NLK: variants seen among roughly 807,000 people sequenced by gnomAD.
NLK encodes the protein nemo like kinase.
A neutral mutation model predicts 59.0 loss-of-function variants in NLK; 11 were observed. That is an observed-to-expected ratio of 0.19 (90% CI 0.12 to 0.31). NLK has a LOEUF of 0.31. NLK is among the 10% of genes least tolerant of loss of function. The pLI is 1.00. For synonymous variants in NLK, 235 were observed against 235.9 expected (o/e 1.00, Z 0.03); for missense variants, 410 against 661.1 (o/e 0.62, Z 4.16).
chr17:28,132,599 C>CTTTTTTTTTTTTTTTTTTTTT, intron 2 of NLK, 21 bp from the exon 3 acceptor site: 1 of 1,568,976 alleles, frequency 6.4e-7, no homozygotes, highest in Non-Finnish European at 8.7e-7. Flanking sequence ...CTAAATTTGA[C>CTTTTTTTTTTTTTTTTTTTTT]TTTTTTTTTC....
In NLK at chr17:28,052,279, C is replaced by G. The variant is rs1909284964; in HGVS notation, c.458+8948C>G. Among the ~76,000 whole-genome samples, 2 of 151,986 alleles carry G rather than the reference C, an allele frequency of 1.3e-5. 1 individual carries two copies. The highest frequency in any genetic ancestry group is 4.1e-4 in the South Asian group (2 of 4,824). ...AAATTTTTAAATAAAATTTAATGTTCAGTATTTTGTCATCTTTTGTGTGTG... is the reference window on the plus strand; with the variant it reads ...AAATTTTTAAATAAAATTTAATGTTGAGTATTTTGTCATCTTTTGTGTGTG... On this transcript the variant is annotated intron_variant, in intron 1 of 10. Coordinates refer to ENST00000407008, the MANE Select transcript of NLK (RefSeq NM_016231.5).
the NLK span, among the ~76,000 whole-genome samples, chr17:28,203,154 T>TATAC: frequency 7.6e-6 from 1 of 131,776 alleles, no homozygotes; most frequent in South Asian, 2.3e-4. Context: ...TATGAATGTA[T>TATAC]ATACATACAT....
At chr17:28,204,491 T>C in the NLK span, among the ~76,000 whole-genome samples, 827 of 152,362 alleles carry the variant, frequency 5.4e-3, 4 homozygotes, top group African/African-American at 0.019. Flanking sequence ...TGTATGTGTG[T>C]ATACATGCTT....
intron 1 of NLK, among the ~76,000 whole-genome samples, chr17:28,120,175 A>G (rs191330653): frequency 1.3e-5 from 2 of 152,012 alleles, no homozygotes; most frequent in African/African-American, 2.4e-5. Flanking sequence ...CAATATATCA[A>G]TGTCCCCTCC....
intron 10 of NLK, among the ~76,000 whole-genome samples, chr17:28,192,481 T>G (rs1333399751): frequency 6.6e-6 from 1 of 152,066 alleles, no homozygotes; most frequent in South Asian, 2.1e-4. Flanking sequence ...CCAGCCTGAC[T>G]AACATGGAGA....
intron 7 of NLK, among the ~76,000 whole-genome samples, chr17:28,179,626 C>T (rs1251233963): frequency 2.0e-5 from 3 of 151,940 alleles, no homozygotes; most frequent in African/African-American, 7.3e-5. Flanking sequence ...CCCAGCTACT[C>T]GGGAGGCTGA....
intron 1 of NLK, among the ~76,000 whole-genome samples, chr17:28,120,311 T>C (rs1905987361): frequency 6.6e-6 from 1 of 151,736 alleles, no homozygotes; most frequent in African/African-American, 2.4e-5. Flanking sequence ...TCTCACTGTG[T>C]TGCCTAGACT....
chr17:28,068,781 G>A (rs1483468931), intron 1 of NLK, among the ~76,000 whole-genome samples: 1 of 152,150 alleles, frequency 6.6e-6, no homozygotes, highest in African/African-American at 2.4e-5. Flanking sequence ...GTGAGTTCAA[G>A]TGATCCCCTG....
chr17:28,121,391 G>GA (rs11308814), intron 1 of NLK, among the ~76,000 whole-genome samples: 1,783 of 141,352 alleles, frequency 0.013, 37 homozygotes, highest in African/African-American at 0.043. Context: ...TAGAAGGGGG[G>GA]AAAAAAAAAA....
intron 7 of NLK, among the ~76,000 whole-genome samples, chr17:28,184,831 C>A (rs1400784911): frequency 6.6e-6 from 1 of 152,208 alleles, no homozygotes; most frequent in Admixed American, 6.5e-5. Context: ...CCTGTAATCC[C>A]AGCTACTCGG....
At chr17:28,198,248 C>T (rs1306296361), downstream of NLK, among the ~76,000 whole-genome samples, 1 of 152,076 alleles carries the variant, frequency 6.6e-6, no homozygotes, top group Non-Finnish European at 1.5e-5. Context: ...GTGAGCCTCC[C>T]ACCTCAGCCT....
chr17:28,068,171 G>A (rs112256261), intron 1 of NLK, among the ~76,000 whole-genome samples: 6,118 of 150,950 alleles, frequency 0.041, 382 homozygotes, highest in African/African-American at 0.14. Context: ...ATGGATGTTC[G>A]ATTGTTCCAA....
intron 1 of NLK, among the ~76,000 whole-genome samples, chr17:28,077,909 A>G (rs1274873637): frequency 1.3e-5 from 2 of 152,222 alleles, no homozygotes; most frequent in Non-Finnish European, 2.9e-5. Context: ...TAACAAATAT[A>G]TAGATGCACA....
At chr17:28,187,345 C>T (rs956749431) in intron 8 of NLK, among the ~76,000 whole-genome samples, 1 of 152,160 alleles carries the variant, frequency 6.6e-6, no homozygotes. Context: ...GCTCTGTTGC[C>T]CAGGCTGGAG....
intron 1 of NLK, among the ~76,000 whole-genome samples, chr17:28,065,319 CAG>C (rs909152637): frequency 4.0e-5 from 6 of 151,694 alleles, no homozygotes; most frequent in Admixed American, 2.6e-4. Flanking sequence ...TTGATGATGA[CAG>C]GGGATGAGGG....
At chr17:28,139,731 C>G (rs530054487) in intron 3 of NLK, among the ~76,000 whole-genome samples, 1 of 152,178 alleles carries the variant, frequency 6.6e-6, no homozygotes, top group Non-Finnish European at 1.5e-5. Context: ...AGGTAAATAA[C>G]TTGTCCAACG....
intron 5 of NLK, among the ~76,000 whole-genome samples, chr17:28,166,123 G>A (rs1237345075): frequency 2.6e-5 from 4 of 152,170 alleles, no homozygotes; most frequent in South Asian, 2.1e-4. Context: ...GCAGAGACAC[G>A]AGAATCACTT....
At chr17:28,090,965 T>G (rs1904471318) in intron 1 of NLK, among the ~76,000 whole-genome samples, 1 of 152,206 alleles carries the variant, frequency 6.6e-6, no homozygotes, top group African/African-American at 2.4e-5. Flanking sequence ...ATGTTTCTTC[T>G]TGGGATTCAG....
intron 1 of NLK, among the ~76,000 whole-genome samples, chr17:28,120,558 G>A (rs1046729428): frequency 1.3e-5 from 2 of 152,148 alleles, no homozygotes; most frequent in African/African-American, 2.4e-5. Flanking sequence ...CCAAGCTGCA[G>A]TGATCTTTAA....
Sources: gnomAD v4.1 joint callset for allele counts (sites outside exome capture counted in the v4.1 genomes callset) on GRCh38, gnomAD v4.1.1 for gene constraint, MANE v1.5 for transcripts, NCBI Gene and HGNC (gene_info 2026-07-23, HGNC 2026-07-21) for gene names.